Variants in ELMO1 observed in about 807,000 individuals in gnomAD.
ELMO1 encodes the protein engulfment and cell motility 1, also known as engulfment and cell motility protein 1.
ELMO1 carries 26 observed loss-of-function variants against 98.9 expected under a neutral mutation model. That is an observed-to-expected ratio of 0.26 (90% CI 0.19 to 0.36). The LOEUF (loss-of-function observed/expected upper bound fraction) is 0.36. ELMO1 is among the 10% of genes least tolerant of loss of function. The pLI is 1.00. For synonymous variants in ELMO1, 346 were observed against 346.0 expected (o/e 1.00, Z 0.00); for missense variants, 627 against 935.2 (o/e 0.67, Z 4.30).
Position 37,246,032 on chromosome 7 carries a change from G to A in ELMO1, c.414-1641C>T, listed in dbSNP as rs183938742. The stretch of plus-strand genomic sequence containing the variant: ...ACGAATCTGCTTGATATTATTTTCC[G>A]ATTTCCACAGTGTAACGACTCTCAC... On this transcript the variant is annotated intron_variant, in intron 6 of 21. Coordinates refer to ENST00000310758, the MANE Select transcript of ELMO1 (RefSeq NM_014800.11). Among the ~76,000 whole-genome samples the A allele has an allele frequency of 1.6e-3, 250 of 152,230 alleles. 2 individuals are homozygous for A. The highest frequency in any genetic ancestry group is 5.8e-3 in the African/African-American group (241 of 41,536).
intron 1 of ELMO1, among the ~76,000 whole-genome samples, chr7:37,435,843 T>C (rs1805120801): frequency 6.6e-6 from 1 of 152,190 alleles, no homozygotes; most frequent in South Asian, 2.1e-4. Flanking sequence ...TAGCCACAGC[T>C]GGGATAATGG....
intron 16 of ELMO1, among the ~76,000 whole-genome samples, chr7:36,924,699 T>C (rs1261614539): frequency 6.7e-6 from 1 of 150,360 alleles, no homozygotes; most frequent in East Asian, 2.0e-4. Flanking sequence ...GGAGGAAGAG[T>C]GTAGAATCAT....
chr7:37,412,484 G>C (rs939399562), intron 1 of ELMO1, among the ~76,000 whole-genome samples: 1 of 152,202 alleles, frequency 6.6e-6, no homozygotes, highest in African/African-American at 2.4e-5. Flanking sequence ...ATATACCATA[G>C]TTTACCAATC....
At chr7:37,033,136 G>A (rs1425974914) in intron 15 of ELMO1, among the ~76,000 whole-genome samples, 1 of 152,052 alleles carries the variant, frequency 6.6e-6, no homozygotes, top group Middle Eastern at 3.2e-3. Flanking sequence ...GCTGTCTCCT[G>A]GAAGCCATTG....
chr7:37,332,539 C>T (rs1800190512), intron 2 of ELMO1, among the ~76,000 whole-genome samples: 1 of 152,174 alleles, frequency 6.6e-6, no homozygotes, highest in African/African-American at 2.4e-5. Context: ...GTCTAAGGAA[C>T]TTACACTTCA....
rs1479569181 is a variant in ELMO1 at position 37,447,885 on chromosome 7, C to G, written c.-74+790G>C. Among the ~76,000 whole-genome samples the G allele has an allele frequency of 2.6e-5, 4 of 152,140 alleles. No individual in the cohort carries two copies. The East Asian group carries it at 5.9e-4, about 22-fold the overall frequency. On this transcript the variant is annotated intron_variant, in intron 1 of 21. Coordinates refer to ENST00000310758, the MANE Select transcript of ELMO1 (RefSeq NM_014800.11). ...CGATCGCAGTCGCCACTCTCCGCTC[C>G]GATTCCCGGGCCCCCTGGCATGCCG...
At chr7:37,272,867 G>C (rs1471757496) in intron 4 of ELMO1, among the ~76,000 whole-genome samples, 1 of 152,164 alleles carries the variant, frequency 6.6e-6, no homozygotes, top group Non-Finnish European at 1.5e-5. Flanking sequence ...CTAAGGCTGG[G>C]GGAGGGAGGG....
intron 4 of ELMO1, among the ~76,000 whole-genome samples, chr7:37,313,242 C>T (rs991360174): frequency 3.3e-5 from 5 of 151,950 alleles, no homozygotes; most frequent in East Asian, 1.9e-4. Flanking sequence ...CTTTTTCTCT[C>T]GAGATGGAGT....
intron 4 of ELMO1, among the ~76,000 whole-genome samples, chr7:37,274,710 GC>G (rs1388831201): frequency 6.6e-6 from 1 of 152,094 alleles, no homozygotes; most frequent in Non-Finnish European, 1.5e-5. Context: ...CTGTCACCAA[GC>G]CCGGCTAATT....
intron 16 of ELMO1, among the ~76,000 whole-genome samples, chr7:36,940,827 C>A (rs77521014): frequency 0.01 from 1,594 of 152,316 alleles, 32 homozygotes; most frequent in African/African-American, 0.036. Flanking sequence ...TCTTCATCAG[C>A]AGGGGAGACA....
chr7:36,951,562 G>A (rs1787970739), intron 16 of ELMO1, among the ~76,000 whole-genome samples: 1 of 152,200 alleles, frequency 6.6e-6, no homozygotes, highest in South Asian at 2.1e-4. Context: ...TGCTGGGGGA[G>A]TCTCTGATGA....
intron 16 of ELMO1, 66 bp from the exon 17 acceptor site, chr7:36,895,083 C>T (rs979084001): frequency 1.3e-5 from 21 of 1,582,582 alleles, no homozygotes; most frequent in African/African-American, 8.1e-5. Context: ...AAAGTCTTTC[C>T]GAGTTAAGGG....
chr7:37,075,390 C>T (rs1005767015), intron 15 of ELMO1, among the ~76,000 whole-genome samples: 8 of 151,084 alleles, frequency 5.3e-5, no homozygotes, highest in Admixed American at 2.6e-4. Flanking sequence ...CTCCTGACCT[C>T]GTGATCCACC....
intron 4 of ELMO1, among the ~76,000 whole-genome samples, chr7:37,303,383 CACAA>C (rs1798442708): frequency 6.6e-6 from 1 of 152,152 alleles, no homozygotes; most frequent in Admixed American, 6.5e-5. Flanking sequence ...ACCCATGACA[CACAA>C]ACACACAAAA....
chr7:37,372,231 T>G (rs1583642009), intron 1 of ELMO1, among the ~76,000 whole-genome samples: 1 of 152,130 alleles, frequency 6.6e-6, no homozygotes, highest in East Asian at 1.9e-4. Context: ...CCAAAAAAGT[T>G]AAGTGACTGA....
At chr7:37,426,548 C>T (rs1036517739) in intron 1 of ELMO1, among the ~76,000 whole-genome samples, 2 of 152,098 alleles carry the variant, frequency 1.3e-5, no homozygotes, top group Admixed American at 6.5e-5. Context: ...TCACTTGGTA[C>T]CACTCACAAG....
intron 4 of ELMO1, among the ~76,000 whole-genome samples, chr7:37,274,629 T>C (rs1768410815): frequency 6.6e-6 from 1 of 152,182 alleles, no homozygotes; most frequent in South Asian, 2.1e-4. Flanking sequence ...CTGGGCTCAC[T>C]GTAACCTCCA....
At chr7:37,048,194 C>T (rs978998109) in intron 15 of ELMO1, among the ~76,000 whole-genome samples, 4 of 152,238 alleles carry the variant, frequency 2.6e-5, no homozygotes, top group Non-Finnish European at 4.4e-5. Flanking sequence ...CCTCTCCCCA[C>T]TGAATGCCAG....
At chr7:37,432,146 G>T (rs1048733260) in intron 1 of ELMO1, among the ~76,000 whole-genome samples, 15 of 152,198 alleles carry the variant, frequency 9.9e-5, no homozygotes, top group Non-Finnish European at 2.2e-4. Context: ...CTCCCAAAGT[G>T]TCGGGATTAC....
Sources: allele counts gnomAD v4.1 joint callset (sites outside exome capture counted in the v4.1 genomes callset), GRCh38; gene constraint gnomAD v4.1.1; transcripts MANE v1.5; gene names NCBI Gene and HGNC (gene_info 2026-07-23, HGNC 2026-07-21).